ARHGAP22: variants seen among roughly 807,000 people sequenced by gnomAD.
ARHGAP22 encodes rho GTPase-activating protein 22.
A neutral mutation model predicts 59.1 loss-of-function variants in ARHGAP22; 48 were observed. The observed-to-expected ratio is 0.81, with a 90% CI of 0.64 to 1.03. The LOEUF is 1.03. Among genes scored for constraint, ARHGAP22 ranks in the 50% least tolerant of loss-of-function variants. The pLI is 0.00. For missense variants in ARHGAP22, 1,015 were observed against 958.7 expected (o/e 1.06, Z -0.78); for synonymous variants, 445 against 416.4 (o/e 1.07, Z -0.84).
intron 4 of ARHGAP22, 120 bp downstream of exon 4, chr10:48,479,516 C>A: frequency 6.4e-7 from 1 of 1,567,536 alleles, no homozygotes; most frequent in Non-Finnish European, 8.7e-7. Flanking sequence ...CTGTGAGAAG[C>A]ACAGGATGCA....
At chr10:48,467,162 G>A (rs1023041048) in intron 4 of ARHGAP22, among the ~76,000 whole-genome samples, 1 of 152,270 alleles carries the variant, frequency 6.6e-6, no homozygotes, top group Non-Finnish European at 1.5e-5. Flanking sequence ...GTATGCCCCT[G>A]AGCAGTCTGA....
At chr10:48,622,910 A>G (rs2061331705) in intron 1 of ARHGAP22, among the ~76,000 whole-genome samples, 1 of 152,214 alleles carries the variant, frequency 6.6e-6, no homozygotes, top group South Asian at 2.1e-4. Flanking sequence ...TGGGAGAGGG[A>G]AACATGCAGG....
intron 3 of ARHGAP22, among the ~76,000 whole-genome samples, chr10:48,504,910 G>A (rs1467865039): frequency 6.6e-6 from 1 of 152,120 alleles, no homozygotes; most frequent in African/African-American, 2.4e-5. Flanking sequence ...GATGAATTGA[G>A]AGGAAATTTG....
chr10:48,487,214 G>A (rs968866784), intron 3 of ARHGAP22, among the ~76,000 whole-genome samples: 1 of 152,128 alleles, frequency 6.6e-6, no homozygotes, highest in Admixed American at 6.5e-5. Context: ...GCAGCTCGCT[G>A]ATGCTCTGTT....
upstream of ARHGAP22, among the ~76,000 whole-genome samples, chr10:48,607,365 G>A (rs748985818): frequency 7.2e-5 from 11 of 152,178 alleles, no homozygotes; most frequent in Admixed American, 1.3e-4. Context: ...TACGTTCTGC[G>A]TCTGAGAAGG....
intron 3 of ARHGAP22, among the ~76,000 whole-genome samples, chr10:48,533,129 C>T (rs2055015625): frequency 6.6e-6 from 1 of 151,640 alleles, no homozygotes; most frequent in African/African-American, 2.4e-5. Flanking sequence ...CGTACTGACC[C>T]TCATCAACAG....
intron 3 of ARHGAP22, among the ~76,000 whole-genome samples, chr10:48,537,526 G>A (rs2055481728): frequency 6.6e-6 from 1 of 152,202 alleles, no homozygotes; most frequent in Non-Finnish European, 1.5e-5. Flanking sequence ...TGACTTGACG[G>A]GAGGTTCTCA....
At chr10:48,559,726 CTTTTATTTTAACAATATA>C in intron 2 of ARHGAP22, among the ~76,000 whole-genome samples, 1 of 152,088 alleles carries the variant, frequency 6.6e-6, no homozygotes, top group East Asian at 1.9e-4. Context: ...ATTGGGTTGT[CTTTTATTTTAACAATATA>C]TTTTATTTAA....
At chr10:48,634,664 G>A (rs1470495404) in intron 1 of ARHGAP22, among the ~76,000 whole-genome samples, 1 of 152,082 alleles carries the variant, frequency 6.6e-6, no homozygotes, top group Non-Finnish European at 1.5e-5. Context: ...ACTCTCCTCT[G>A]CTTCTCAGGG....
intron 1 of ARHGAP22, among the ~76,000 whole-genome samples, chr10:48,587,434 A>AC (rs2059496498): frequency 1.3e-5 from 2 of 152,268 alleles, no homozygotes; most frequent in South Asian, 4.1e-4. Flanking sequence ...AATTCCTTCA[A>AC]TGGGTTGAGA....
At chr10:48,547,643 G>A (rs1405198856) in intron 3 of ARHGAP22, among the ~76,000 whole-genome samples, 1 of 152,194 alleles carries the variant, frequency 6.6e-6, no homozygotes, top group Non-Finnish European at 1.5e-5. Flanking sequence ...CCAGAAAACA[G>A]AGCACTCTCC....
chr10:48,568,398 G>A (rs1202363957), intron 2 of ARHGAP22, among the ~76,000 whole-genome samples: 1 of 152,196 alleles, frequency 6.6e-6, no homozygotes, highest in Non-Finnish European at 1.5e-5. Context: ...TGGACCATAT[G>A]GTAGGCCTCT....
At chr10:48,647,579 C>G (rs2062361234) in intron 1 of ARHGAP22, among the ~76,000 whole-genome samples, 1 of 123,344 alleles carries the variant, frequency 8.1e-6, no homozygotes, top group Non-Finnish European at 1.9e-5. Flanking sequence ...ACATTGGGAC[C>G]CTTATGTATG....
intron 1 of ARHGAP22, among the ~76,000 whole-genome samples, chr10:48,641,107 A>G (rs563661633): frequency 7.2e-5 from 11 of 152,188 alleles, no homozygotes; most frequent in Non-Finnish European, 1.6e-4. Flanking sequence ...CAAAAAATAC[A>G]GTAAAAAATA....
At chr10:48,493,595 G>A in intron 3 of ARHGAP22, 1 of 1,480,440 alleles carries the variant, frequency 6.8e-7, no homozygotes, top group Non-Finnish European at 9.0e-7. Context: ...CTGCAGGGCT[G>A]CGGCCACTCG....
chr10:48,621,089 A>T lies in ARHGAP22; in HGVS notation c.52+31145T>A, dbSNP rs148137621. Among the ~76,000 whole-genome samples the T allele has an allele frequency of 3.7e-4, 56 of 152,328 alleles. No individual in the cohort carries two copies. The East Asian group carries it at 6.6e-3, about 18-fold the overall frequency. Reference sequence around the variant, plus strand: ...CTCTTTCCAGAAAGCCCAATACATGATTGCCTTTGCATGGCCATCCAGGCT... The same window carrying T: ...CTCTTTCCAGAAAGCCCAATACATGTTTGCCTTTGCATGGCCATCCAGGCT... On this transcript the variant is annotated intron_variant, in intron 1 of 9. Coordinates refer to the ARHGAP22 transcript ENST00000435790.
intron 3 of ARHGAP22, among the ~76,000 whole-genome samples, chr10:48,522,254 C>T (rs1589918522): frequency 1.3e-5 from 2 of 152,346 alleles, no homozygotes; most frequent in African/African-American, 4.8e-5. Flanking sequence ...GCTGCAGAAC[C>T]TTGTAGGCAC....
downstream of ARHGAP22, among the ~76,000 whole-genome samples, chr10:48,442,070 G>A (rs1213477466): frequency 6.6e-6 from 1 of 152,216 alleles, no homozygotes; most frequent in Non-Finnish European, 1.5e-5. Flanking sequence ...CTCTGAAAAT[G>A]CAACATTCAT....
At chr10:48,625,133 C>T (rs913812848) in intron 1 of ARHGAP22, 1 of 152,170 alleles carries the variant, frequency 6.6e-6, no homozygotes, top group African/African-American at 2.4e-5. Context: ...CTTCTCTGAG[C>T]CTCTGCTTCC....
Sources: allele counts gnomAD v4.1 joint callset (sites outside exome capture counted in the v4.1 genomes callset), GRCh38; gene constraint gnomAD v4.1.1; transcripts MANE v1.5; gene names NCBI Gene and HGNC (gene_info 2026-07-23, HGNC 2026-07-21).